The following EFHC2 variants were observed in gnomAD, a reference collection of about 807,000 sequenced individuals.
The protein encoded by EFHC2 is EF-hand domain containing 2.
Under a neutral mutation model 52.7 loss-of-function variants are expected in EFHC2, and 18 were observed. The observed-to-expected ratio is 0.34, with a 90% CI of 0.24 to 0.51. The LOEUF is 0.51. EFHC2 is among the 20% of genes least tolerant of loss of function. The pLI, the probability that EFHC2 is intolerant of heterozygous loss-of-function variation, is 0.97. For synonymous variants in EFHC2, 203 were observed against 204.1 expected (o/e 0.99, Z 0.04); for missense variants, 513 against 562.5 (o/e 0.91, Z 0.89).
chrX:44,249,823 A>G (rs1219734549), intron 5 of EFHC2, among the ~76,000 whole-genome samples: 1 of 112,116 alleles, frequency 8.9e-6, no homozygotes, highest in Non-Finnish European at 1.9e-5. Context: ...TGTATTCACA[A>G]CCCAGACCAA....
intron 2 of EFHC2, among the ~76,000 whole-genome samples, chrX:44,273,275 A>G (rs1236020283): frequency 8.9e-6 from 1 of 112,401 alleles, no homozygotes; most frequent in Non-Finnish European, 1.9e-5. Context: ...GTTAGTCCTG[A>G]TGATTGCTTG....
At chrX:44,319,220 C>T (rs1471789937) in intron 1 of EFHC2, among the ~76,000 whole-genome samples, 2 of 110,053 alleles carry the variant, frequency 1.8e-5, no homozygotes, top group Admixed American at 1.9e-4. Flanking sequence ...CCAGGCTGGT[C>T]TCAAACTCCC....
At chrX:44,247,601 C>T (rs2037409989) in intron 7 of EFHC2, among the ~76,000 whole-genome samples, 1 of 111,283 alleles carries the variant, frequency 9.0e-6, no homozygotes, top group African/African-American at 3.3e-5. Flanking sequence ...TTAGGTTTCA[C>T]GTCACATCCT....
intron 8 of EFHC2, among the ~76,000 whole-genome samples, chrX:44,237,607 T>C (rs1023082587): frequency 1.8e-5 from 2 of 111,981 alleles, no homozygotes; most frequent in South Asian, 7.4e-4. Context: ...AGGTTTGCTC[T>C]ACCTAAACTG....
intron 11 of EFHC2, among the ~76,000 whole-genome samples, chrX:44,206,581 AC>A (rs1343767924): frequency 1.8e-5 from 2 of 112,025 alleles, no homozygotes; most frequent in African/African-American, 6.5e-5. Context: ...CAAGCTGAGA[AC>A]CAATGAAGAA....
chrX:44,251,800 T>G lies in EFHC2; in HGVS notation c.607-1355A>C, dbSNP rs181732141. Among the ~76,000 whole-genome samples the G allele has an allele frequency of 1.2e-3, 130 of 108,348 alleles. No individual in the cohort carries two copies. The East Asian group carries it at 0.016, about 14-fold the overall frequency. The allele number at this position is 108,348 out of a possible 115,157, so 94.1% of individuals were successfully genotyped here. A position where few individuals can be genotyped will look rare whatever the true frequency, so the allele number is the denominator to read the frequency against. ...TCTGGGTAGGGAATTTGACCAGAAA[T>G]GGGGAGAAAGGAACTTTCTGAGGTG... On this transcript the variant is annotated intron_variant, in intron 4 of 14. Transcript: ENST00000420999.
At chrX:44,301,575 T>A in intron 2 of EFHC2, among the ~76,000 whole-genome samples, 1 of 112,149 alleles carries the variant, frequency 8.9e-6, no homozygotes, top group Non-Finnish European at 1.9e-5. Context: ...TAAAATTTAC[T>A]ACTTTTAAGC....
chrX:44,291,538 T>C (rs1168302172), intron 2 of EFHC2, among the ~76,000 whole-genome samples: 1 of 112,271 alleles, frequency 8.9e-6, no homozygotes, highest in Non-Finnish European at 1.9e-5. Flanking sequence ...AATTTAGTTT[T>C]ACTTGTCTGC....
intron 11 of EFHC2, among the ~76,000 whole-genome samples, chrX:44,189,456 T>C (rs2036903365): frequency 8.9e-6 from 1 of 112,062 alleles, no homozygotes. Context: ...AAGCAAGAGA[T>C]AAATTAGAGA....
chrX:44,321,159 G>A (rs958194118), intron 1 of EFHC2, among the ~76,000 whole-genome samples: 2 of 111,611 alleles, frequency 1.8e-5, no homozygotes, highest in Non-Finnish European at 3.8e-5. Context: ...ATTAGATGTA[G>A]GGTGTGGAAA....
chrX:44,342,654 A>G (rs2038157856), intron 1 of EFHC2, among the ~76,000 whole-genome samples: 1 of 110,693 alleles, frequency 9.0e-6, no homozygotes, highest in Non-Finnish European at 1.9e-5. Context: ...AGGCGGGCAG[A>G]TCACTTGAGG....
At chrX:44,223,830 C>T (rs1305677496) in intron 11 of EFHC2, among the ~76,000 whole-genome samples, 1 of 111,536 alleles carries the variant, frequency 9.0e-6, no homozygotes, top group East Asian at 2.8e-4. Flanking sequence ...TGCTTTTGTT[C>T]ATATAGATTC....
At chrX:44,226,648 T>C (rs2037234305) in intron 11 of EFHC2, among the ~76,000 whole-genome samples, 1 of 110,379 alleles carries the variant, frequency 9.1e-6, no homozygotes, top group South Asian at 3.9e-4. Flanking sequence ...ACAATCAGCC[T>C]ACAGGTCAAA....
At chrX:44,260,417 T>TG (rs2037529556) in intron 4 of EFHC2, among the ~76,000 whole-genome samples, 1 of 111,726 alleles carries the variant, frequency 9.0e-6, no homozygotes, top group Admixed American at 9.5e-5. Flanking sequence ...GTTCAAATTC[T>TG]TCTGGAAAAC....
At chrX:44,282,493 G>A (rs1232020914) in intron 2 of EFHC2, among the ~76,000 whole-genome samples, 6 of 98,474 alleles carry the variant, frequency 6.1e-5, no homozygotes, top group African/African-American at 2.2e-4. Context: ...GCACGAGCCT[G>A]TAGTCCCAGC....
At chrX:44,313,106 A>AG (rs1282076883) in intron 1 of EFHC2, among the ~76,000 whole-genome samples, 6 of 105,429 alleles carry the variant, frequency 5.7e-5, no homozygotes, top group African/African-American at 1.8e-4. Context: ...AAAAAAAAAA[A>AG]AAAAAAGAAA....
At chrX:44,174,615 A>C (rs1459841511) in intron 13 of EFHC2, among the ~76,000 whole-genome samples, 1 of 94,647 alleles carries the variant, frequency 1.1e-5, no homozygotes. Flanking sequence ...GCTATTGCCT[A>C]CTGATGAAAT....
At chrX:44,304,626 T>C (rs1193263417) in intron 2 of EFHC2, among the ~76,000 whole-genome samples, 1 of 112,154 alleles carries the variant, frequency 8.9e-6, no homozygotes, top group African/African-American at 3.2e-5. Flanking sequence ...GTTATGATTA[T>C]GGAATAGTCT....
At position 44,242,145 on chromosome X, in the gene EFHC2, A is replaced by C. The variant is rs1408092607; in HGVS notation, c.1256T>G (p.Phe419Cys). ...DLKPTPHRRN[F>C]KKFMEKDSYG... ...CCTGTCTTTTTCCATAAACTTCTTG[A>C]AGTTCCTCCGATGAGGTGTGGGCTT... is the stretch of plus-strand genomic sequence containing the variant. Residue 419 changes from phenylalanine (F) to cysteine (C), a missense_variant, in exon 8 of 15, where the codon TTC becomes TGC. Phe to Cys is a radical substitution (Grantham distance 205). Transcript: ENST00000420999. 8.4e-7 allele frequency: 1 copy of C among 1,190,445 alleles called. No individual in the cohort carries two copies. The highest frequency in any genetic ancestry group is 2.3e-5 in the Admixed American group (1 of 42,603).
Sources: gnomAD v4.1 joint callset for allele counts (sites outside exome capture counted in the v4.1 genomes callset) on GRCh38, gnomAD v4.1.1 for gene constraint, MANE v1.5 for transcripts, NCBI Gene and HGNC (gene_info 2026-07-23, HGNC 2026-07-21) for gene names.